The following KIAA1549L variants were observed in gnomAD, a reference collection of about 807,000 sequenced individuals.
KIAA1549L encodes the protein KIAA1549 like.
In KIAA1549L, 88 loss-of-function variants were observed where a neutral mutation model predicts 160.7. The ratio of observed to expected loss-of-function variants is 0.55; its 90% CI spans 0.46 to 0.65. The LOEUF (loss-of-function observed/expected upper bound fraction) is 0.65. KIAA1549L is among the 30% of genes least tolerant of loss of function. The pLI, the probability that KIAA1549L is intolerant of heterozygous loss-of-function variation, is 0.00. For missense variants in KIAA1549L, 2,258 were observed against 2,437.5 expected, an observed-to-expected ratio of 0.93 and a Z score of 1.55; for synonymous variants, 950 against 976.7, an observed-to-expected ratio of 0.97 and a Z score of 0.51.
chr11:33,435,792 A>G (rs12271201), intron 1 of KIAA1549L, among the ~76,000 whole-genome samples: 3,879 of 13,010 alleles, frequency 0.3, 518 homozygotes, highest in African/African-American at 0.4. Flanking sequence ...ATATATATAT[A>G]TATATATATA....
chr11:33,650,751 C>G (rs1311716489), intron 17 of KIAA1549L, among the ~76,000 whole-genome samples: 1 of 152,224 alleles, frequency 6.6e-6, no homozygotes, highest in Non-Finnish European at 1.5e-5. Flanking sequence ...CGTGCACACA[C>G]ACGCACCTGC....
chr11:33,550,995 C>A, intron 4 of KIAA1549L, 45 bp from the exon 5 acceptor site: 1 of 1,491,228 alleles, frequency 6.7e-7, no homozygotes, highest in Non-Finnish European at 9.4e-7. Context: ...ACTTAAAGTG[C>A]TGTGGAAATA....
intron 16 of KIAA1549L, 115 bp downstream of exon 16, chr11:33,618,777 C>A (rs1196948038): frequency 1.9e-6 from 2 of 1,049,560 alleles, no homozygotes; most frequent in African/African-American, 3.2e-5. Flanking sequence ...TTAAAAAGCA[C>A]TAAAATGTTT....
intron 17 of KIAA1549L, among the ~76,000 whole-genome samples, chr11:33,653,170 G>A (rs1479822450): frequency 1.3e-5 from 2 of 152,142 alleles, no homozygotes; most frequent in Admixed American, 1.3e-4. Flanking sequence ...GCTTGGTGAT[G>A]GGGGACTACT....
chr11:33,405,839 C>CAAAAAAAAAAAAAAAAAAAAAAAAAAAA (rs35479859), intron 1 of KIAA1549L, among the ~76,000 whole-genome samples: 1 of 68,878 alleles, frequency 1.5e-5, no homozygotes. Flanking sequence ...CAGTCTGTCT[C>CAAAAAAAAAAAAAAAAAAAAAAAAAAAA]AAAAAAAAAA....
At chr11:33,460,820 G>C (rs961328621) in intron 1 of KIAA1549L, among the ~76,000 whole-genome samples, 10 of 152,224 alleles carry the variant, frequency 6.6e-5, no homozygotes, top group Non-Finnish European at 1.5e-5. Flanking sequence ...AGATGATCCT[G>C]AGGGAAATGA....
intron 14 of KIAA1549L, among the ~76,000 whole-genome samples, chr11:33,608,677 T>G (rs931649207): frequency 2.6e-5 from 4 of 152,252 alleles, no homozygotes; most frequent in Non-Finnish European, 5.9e-5. Flanking sequence ...TCACCCCCTT[T>G]TCCTCCCAGG....
intron 1 of KIAA1549L, among the ~76,000 whole-genome samples, chr11:33,458,766 G>A (rs1042691494): frequency 6.6e-6 from 1 of 152,234 alleles, no homozygotes; most frequent in African/African-American, 2.4e-5. Flanking sequence ...TAGTGATTGT[G>A]CTGAGCAAGT....
At chr11:33,486,865 G>A (rs76792040) in intron 1 of KIAA1549L, among the ~76,000 whole-genome samples, 6 of 152,136 alleles carry the variant, frequency 3.9e-5, no homozygotes, top group African/African-American at 1.4e-4. Flanking sequence ...TATTCTCAGC[G>A]TTGTTCTACC....
chr11:33,509,531 G>T (rs889613630), intron 1 of KIAA1549L, among the ~76,000 whole-genome samples: 1 of 152,168 alleles, frequency 6.6e-6, no homozygotes, highest in Non-Finnish European at 1.5e-5. Context: ...GAAGGTTAAT[G>T]TTCGGTTTCA....
chr11:33,444,450 C>T (rs1490575757), intron 1 of KIAA1549L, among the ~76,000 whole-genome samples: 1 of 152,100 alleles, frequency 6.6e-6, no homozygotes, highest in East Asian at 1.9e-4. Flanking sequence ...ATTCATAAAG[C>T]ATGTGATATT....
At chr11:33,532,210 A>G (rs1244637050) in intron 1 of KIAA1549L, among the ~76,000 whole-genome samples, 2 of 152,182 alleles carry the variant, frequency 1.3e-5, no homozygotes, top group East Asian at 1.9e-4. Context: ...CACAGGTACT[A>G]TGGAAGAACA....
In KIAA1549L at chr11:33,558,725, A is replaced by T. The variant is rs144789008; in HGVS notation, c.3856-1024A>T. Among the ~76,000 whole-genome samples the T allele has an allele frequency of 1.9e-3, 285 of 152,298 alleles. 2 individuals carry two copies. Among genetic ancestry groups the T allele is most frequent in the African/African-American group, 6.8e-3 (282 of 41,544 alleles). On this transcript the variant is annotated intron_variant, in intron 6 of 20. Coordinates refer to ENST00000658780, the MANE Select transcript of KIAA1549L (RefSeq NM_012194.3). ...AGCTTCGACAAAATGTGAAAAGAAA[A>T]CCGTGCCATCTCATAGGATGTTTTA... is the stretch of plus-strand genomic sequence containing the variant.
chr11:33,520,580 T>C (rs1247316361), intron 1 of KIAA1549L, among the ~76,000 whole-genome samples: 2 of 152,040 alleles, frequency 1.3e-5, no homozygotes, highest in Non-Finnish European at 2.9e-5. Context: ...TAGCTACACA[T>C]GCTGTCATTA....
intron 1 of KIAA1549L, among the ~76,000 whole-genome samples, chr11:33,527,531 A>G (rs1366261533): frequency 6.6e-6 from 1 of 152,246 alleles, no homozygotes; most frequent in African/African-American, 2.4e-5. Context: ...GACTTAGGCA[A>G]AGAGTTTATG....
At chr11:33,395,901 T>C (rs559331435) in intron 1 of KIAA1549L, among the ~76,000 whole-genome samples, 67 of 152,294 alleles carry the variant, frequency 4.4e-4, no homozygotes, top group African/African-American at 1.6e-3. Flanking sequence ...TCCAATAGTT[T>C]TCCTGCAGTT....
intron 1 of KIAA1549L, among the ~76,000 whole-genome samples, chr11:33,464,520 G>A (rs974299347): frequency 2.3e-5 from 3 of 130,718 alleles, no homozygotes; most frequent in African/African-American, 8.3e-5. Context: ...GTGCGTGCGC[G>A]CATGCCCCCC....
chr11:33,442,622 A>G (rs1322266740), intron 1 of KIAA1549L, among the ~76,000 whole-genome samples: 1 of 152,192 alleles, frequency 6.6e-6, no homozygotes, highest in Non-Finnish European at 1.5e-5. Flanking sequence ...GTTTCACTAA[A>G]TGTTGAAAAT....
At chr11:33,478,892 A>G (rs1182409644) in intron 1 of KIAA1549L, among the ~76,000 whole-genome samples, 1 of 152,056 alleles carries the variant, frequency 6.6e-6, no homozygotes, top group African/African-American at 2.4e-5. Context: ...TGGCCTCCCA[A>G]AGTGCTGGGA....
Sources: allele counts gnomAD v4.1 joint callset (sites outside exome capture counted in the v4.1 genomes callset), GRCh38; gene constraint gnomAD v4.1.1; transcripts MANE v1.5; gene names NCBI Gene and HGNC (gene_info 2026-07-23, HGNC 2026-07-21).